Variants in SLX4 observed in about 807,000 individuals in gnomAD.
SLX4 encodes the protein SLX4 structure-specific endonuclease subunit.
SLX4 carries 112 observed loss-of-function variants against 146.2 expected under a neutral mutation model. The observed-to-expected ratio is 0.77, with a 90% CI of 0.66 to 0.90. SLX4 has a LOEUF of 0.90. Among genes scored for constraint, SLX4 ranks in the 40% least tolerant of loss-of-function variants. SLX4 has a pLI of 0.00. For missense variants in SLX4, 2,563 were observed against 2,392.7 expected (o/e 1.07, Z -1.49); for synonymous variants, 1,061 against 997.7 (o/e 1.06, Z -1.20).
Position 3,583,315 on chromosome 16 carries a change from C to T in SLX4, c.4935G>A (p.Gln1645=). Reference sequence around the variant, plus strand: ...GGGCCCCAGGTCCTGTGGTGGCCTCCTGCTGGGCATGGACCCCTGCCCTTG... The same window carrying T: ...GGGCCCCAGGTCCTGTGGTGGCCTCTTGCTGGGCATGGACCCCTGCCCTTG... ...KPSRAGVHAQ[Q]EATTGPGAHR... is the part of the protein sequence containing the mutation. The change falls in exon 14 of 15, where the codon CAG becomes CAA. Residue 1645 remains glutamine, a synonymous_variant. Coordinates refer to ENST00000294008, the MANE Select transcript of SLX4 (RefSeq NM_032444.4). The T allele has an allele frequency of 6.2e-7, 1 of 1,614,140 alleles. No homozygotes were observed.
chr16:3,601,370 T>C lies in SLX4; in HGVS notation c.951-179A>G, dbSNP rs987741236. On this transcript the variant is annotated intron_variant, in intron 4 of 14. Coordinates refer to ENST00000294008, the MANE Select transcript of SLX4 (RefSeq NM_032444.4). ...AGCCCCTAGACACTACACTTAGGTA[T>C]CTGTCAGCAAAGTTGGCTAAAGAAA... The C allele has an allele frequency of 7.3e-5, 48 of 653,464 alleles. No individual in the cohort carries two copies. The Admixed American group carries it at 9.8e-4, about 13-fold the overall frequency. 40.5% of individuals were successfully genotyped at this position (653,464 alleles called of 1,614,324 possible).
chr16:3,582,675 A>G lies in SLX4; in HGVS notation c.5172T>C (p.Phe1724=), dbSNP rs932503476. The G allele has an allele frequency of 6.2e-7, 1 of 1,612,662 alleles. No individual in the cohort carries two copies. Among genetic ancestry groups the G allele is most frequent in the Non-Finnish European group, 8.5e-7 (1 of 1,180,014 alleles). The change falls in exon 15 of 15, where the codon TTT becomes TTC. Residue 1724 remains phenylalanine, a synonymous_variant. Transcript: ENST00000294008. ...LSSQSSSSCE[F]GAAFESAGEE... ...CACCTGCAGACTCAAATGCCGCTCC[A>G]AACTCACAGGAGGAAGAACTGAAAA...
intron 3 of SLX4, among the ~76,000 whole-genome samples, chr16:3,606,002 G>A (rs1436697180): frequency 2.0e-5 from 3 of 148,052 alleles, no homozygotes; most frequent in Non-Finnish European, 4.5e-5. Context: ...GTTCACGCCT[G>A]TAATCCCAGC....
intron 12 of SLX4, among the ~76,000 whole-genome samples, chr16:3,588,390 T>C (rs185111224): frequency 3.6e-4 from 55 of 152,370 alleles, no homozygotes; most frequent in African/African-American, 1.3e-3. Flanking sequence ...GTCCACGCGG[T>C]AGCGTGTGGC....
intron 12 of SLX4, among the ~76,000 whole-genome samples, chr16:3,587,405 A>G (rs1443043353): frequency 6.6e-6 from 1 of 152,138 alleles, no homozygotes; most frequent in Non-Finnish European, 1.5e-5. Flanking sequence ...CTGAGGCAGG[A>G]GAATCCCTTG....
chr16:3,590,173 C>A lies in SLX4; in HGVS notation c.3465G>T (p.Leu1155=), dbSNP rs773049171. The A allele has an allele frequency of 6.2e-7, 1 of 1,614,176 alleles. No homozygotes were observed. Among genetic ancestry groups the A allele is most frequent in the South Asian group, 1.1e-5 (1 of 91,082 alleles). The change falls in exon 12 of 15, where the codon CTG becomes CTT. Residue 1155 remains leucine, a synonymous_variant. Coordinates refer to ENST00000294008, the MANE Select transcript of SLX4 (RefSeq NM_032444.4). This position sits in a 1 kb window ranked among gnomAD's most constrained non-coding sequence, Gnocchi z 4.8. ...CTAGCTCCAGCTCCTCATCCGAGTC[C>A]AGTAAGAGGATGACCTCATCTTCTT... ...LNEEDEVILL[L]DSDEELELEQ...
chr16:3,602,468 G>T (rs1284879562), intron 3 of SLX4, among the ~76,000 whole-genome samples, 161 bp from the exon 4 acceptor site: 15 of 152,248 alleles, frequency 9.9e-5, no homozygotes, highest in Non-Finnish European at 1.5e-5. Context: ...ACACTGTCCA[G>T]TGAGACTGGG....
chr16:3,596,489 A>C, intron 7 of SLX4, 96 bp from the exon 8 acceptor site: 1 of 1,401,966 alleles, frequency 7.1e-7, no homozygotes. Context: ...GCTGGACCTA[A>C]AACTACAGAG....
intron 13 of SLX4, among the ~76,000 whole-genome samples, chr16:3,583,979 ACAGAGTGAGAT>A (rs528047260): frequency 1.4e-3 from 217 of 152,310 alleles, no homozygotes; most frequent in African/African-American, 4.8e-3. Context: ...AGCCTGGGCA[ACAGAGTGAGAT>A]CCTGTCTCCA....
chr16:3,590,181 GGAT>G lies in SLX4; in HGVS notation c.3454_3456del (p.Ile1152del). Reference sequence around the variant, plus strand: ...AGCTCCTCATCCGAGTCCAGTAAGAGGATGACCTCATCTTCTTCGTTCAGTTTG... The same window carrying G: ...AGCTCCTCATCCGAGTCCAGTAAGAGGACCTCATCTTCTTCGTTCAGTTTG... On this transcript the variant is annotated inframe_deletion, in exon 12 of 15. Transcript: ENST00000294008. The surrounding 1 kb of genome is among the most constrained non-coding windows in gnomAD (Gnocchi z 4.8). The G allele has an allele frequency of 6.2e-7, 1 of 1,614,192 alleles. No homozygotes were observed.
In SLX4 at chr16:3,591,089, T is replaced by G; in HGVS notation, c.2549A>C (p.Glu850Ala). 6.2e-7 allele frequency: 1 copy of G among 1,614,226 alleles called. No homozygotes were observed. Among genetic ancestry groups the G allele is most frequent in the Non-Finnish European group, 8.5e-7 (1 of 1,180,038 alleles). The change falls in exon 12 of 15, where the codon GAA (glutamate) becomes GCA (alanine). Residue 850 changes from glutamate to alanine, a missense_variant. Coordinates refer to ENST00000294008, the MANE Select transcript of SLX4 (RefSeq NM_032444.4). ...EEDQENVNEA[E>A]MEEIYEFAAT... Reference sequence around the variant, plus strand: ...TGCAAATTCATAAATTTCTTCCATTTCTGCTTCATTCACGTTTTCTTGATC... The same window carrying G: ...TGCAAATTCATAAATTTCTTCCATTGCTGCTTCATTCACGTTTTCTTGATC...
rs2151124810 is a variant in SLX4 at position 3,590,727 on chromosome 16, C to A, written c.2911G>T (p.Glu971Ter). The A allele has an allele frequency of 1.2e-6, 2 of 1,614,162 alleles. No homozygotes were observed. Among genetic ancestry groups the A allele is most frequent in the Non-Finnish European group, 1.7e-6 (2 of 1,180,050 alleles). ...PSRDCQAERK[E>*]GSLPHSDDAG... ...TCATCTGAGTGCGGAAGAGAGCCTT[C>A]TTTTCTCTCTGCCTGGCAGTCCCTG... The change falls in exon 12 of 15, where the codon GAA (glutamate) becomes TAA (stop). Residue 971 changes from glutamate to a stop codon, truncating the protein, a stop_gained. Coordinates refer to ENST00000294008, the MANE Select transcript of SLX4 (RefSeq NM_032444.4). LOFTEE classifies it high-confidence loss of function. The surrounding 1 kb of genome is among the most constrained non-coding windows in gnomAD (Gnocchi z 4.8).
rs1596522964 is a variant in SLX4, at chr16:3,591,278, T to C, written c.2360A>G (p.Glu787Gly). The stretch of plus-strand genomic sequence containing the variant: ...TGAGTCAGTGGCAATAGGCACCTGT[T>C]CGCACAGGTGAACGAGCTCACTCAC... ...FGVSELVHLC[E>G]QVPIATDSEG... Residue 787 changes from glutamate to glycine, a missense_variant, in exon 12 of 15, where the codon GAA (glutamate) becomes GGA (glycine). Transcript: ENST00000294008. The C allele has an allele frequency of 6.2e-7, 1 of 1,612,258 alleles. No homozygotes were observed. The highest frequency in any genetic ancestry group is 1.3e-5 in the African/African-American group (1 of 74,920).
At chr16:3,592,916 T>C in intron 10 of SLX4, 51 bp from the exon 11 acceptor site, 1 of 1,571,352 alleles carries the variant, frequency 6.4e-7, no homozygotes, top group Middle Eastern at 2.3e-4. Context: ...AGTTGTAACT[T>C]GGAGCAAAGC....
rs886051983 is a variant in SLX4, at chr16:3,609,269, G to A, written c.-305C>T. ...TGAAAATACAAAAAATTGGCCAGGC[G>A]TGGTAGCAGATGCCTGTAATCCCAG... On this transcript the variant is annotated 5_prime_UTR_variant, in exon 2 of 15. In the 5' UTR this introduces an upstream ATG that the reference lacks. Coordinates refer to ENST00000294008, the MANE Select transcript of SLX4 (RefSeq NM_032444.4). 6 of 341,554 alleles carry A rather than the reference G, an allele frequency of 1.8e-5. No individual in the cohort carries two copies. The East Asian group carries it at 2.2e-4, about 12-fold the overall frequency. 21.2% of individuals were successfully genotyped at this position (341,554 alleles called of 1,614,324 possible). A position where few individuals can be genotyped will look rare whatever the true frequency, so the allele number is the denominator to read the frequency against.
chr16:3,610,789 TA>T (rs1427590437), intron 1 of SLX4, among the ~76,000 whole-genome samples: 1 of 152,218 alleles, frequency 6.6e-6, no homozygotes, highest in Non-Finnish European at 1.5e-5. Context: ...GCTCCACAAC[TA>T]CTTGTTGAAT....
intron 12 of SLX4, among the ~76,000 whole-genome samples, chr16:3,585,355 G>A (rs1443155055): frequency 6.6e-6 from 1 of 152,168 alleles, no homozygotes; most frequent in African/African-American, 2.4e-5. Context: ...GGGAGGCCGA[G>A]GTGGGCGGAT....
At chr16:3,609,843 C>A (rs1161570041) in intron 1 of SLX4, among the ~76,000 whole-genome samples, 1 of 152,110 alleles carries the variant, frequency 6.6e-6, no homozygotes, top group Non-Finnish European at 1.5e-5. Flanking sequence ...GGGAGCAAAC[C>A]CCATAAAAGG....
chr16:3,591,802 G>A (rs1000009415), intron 11 of SLX4, among the ~76,000 whole-genome samples: 12 of 152,138 alleles, frequency 7.9e-5, no homozygotes, highest in African/African-American at 2.9e-4. Flanking sequence ...AGGCTACAGT[G>A]AGCTGTGATC....
Sources: allele counts gnomAD v4.1 joint callset (sites outside exome capture counted in the v4.1 genomes callset), GRCh38; gene constraint gnomAD v4.1.1; non-coding constraint Gnocchi (gnomAD v3.1); transcripts MANE v1.5; gene names NCBI Gene and HGNC (gene_info 2026-07-23, HGNC 2026-07-21).